CFAP92: variants seen among roughly 807,000 people sequenced by gnomAD.
CFAP92 encodes the protein uncharacterized protein CFAP92.
A neutral mutation model predicts 106.3 loss-of-function variants in CFAP92; 86 were observed. That is an observed-to-expected ratio of 0.81 (90% CI 0.68 to 0.97). The LOEUF is 0.97. Among genes scored for constraint, CFAP92 ranks in the 50% least tolerant of loss-of-function variants. CFAP92 has a pLI of 0.00. For missense variants in CFAP92, 1,204 were observed against 1,283.8 expected (o/e 0.94, Z 0.95); for synonymous variants, 477 against 506.4 (o/e 0.94, Z 0.78).
chr3:128,936,637 C>T (rs1020487548), intron 10 of CFAP92, among the ~76,000 whole-genome samples: 3 of 152,132 alleles, frequency 2.0e-5, no homozygotes, highest in Non-Finnish European at 2.9e-5. Context: ...CCACCTGCTG[C>T]GACTCCAAGA....
chr3:128,983,779 G>A (rs575450384), intron 4 of CFAP92, among the ~76,000 whole-genome samples: 1 of 152,266 alleles, frequency 6.6e-6, no homozygotes, highest in Non-Finnish European at 1.5e-5. Context: ...GCAGGGACCA[G>A]GAGGTGGGCT....
At chr3:128,942,367 G>T (rs1335993836) in intron 10 of CFAP92, among the ~76,000 whole-genome samples, 1 of 152,248 alleles carries the variant, frequency 6.6e-6, no homozygotes, top group Non-Finnish European at 1.5e-5. Flanking sequence ...CAGCCAGGCA[G>T]CTCGCCCCAG....
chr3:128,922,357 T>A (rs115214716), intron 12 of CFAP92, among the ~76,000 whole-genome samples: 56 of 150,960 alleles, frequency 3.7e-4, no homozygotes, highest in Non-Finnish European at 7.5e-4. Context: ...AAAAAAAAAA[T>A]TCAATTAGTT....
At chr3:128,968,691 CAG>C (rs1227673188) in intron 8 of CFAP92, 3 of 152,398 alleles carry the variant, frequency 2.0e-5, no homozygotes, top group Non-Finnish European at 2.9e-5. Flanking sequence ...AAGTGAGACT[CAG>C]AGAAAGTAGG....
In CFAP92 at chr3:128,945,962, G is replaced by A; in HGVS notation, c.1367C>T (p.Pro456Leu). ...PIQELERLCMPVYCKYQFHKT... is the reference protein window; with the variant it reads ...PIQELERLCMLVYCKYQFHKT... ...ATGGAACTGGTACTTGCAGTACACAGGCATGCACAGCCTCTACGAGAGAGC... is the reference window on the plus strand; with the variant it reads ...ATGGAACTGGTACTTGCAGTACACAAGCATGCACAGCCTCTACGAGAGAGC... Residue 456 changes from proline to leucine, a missense_variant, in exon 10 of 16, where the codon CCT becomes CTT. By Grantham distance (98) the Pro-to-Leu change is moderately conservative. Transcript: ENST00000645291. 1 of 1,439,812 alleles carries A rather than the reference G, an allele frequency of 6.9e-7. No individual in the cohort carries two copies. The allele number at this position is 1,439,812 out of a possible 1,614,324, so 89.2% of individuals were successfully genotyped here.
At position 128,910,073 on chromosome 3, in the gene CFAP92, A is replaced by T; in HGVS notation, c.*226T>A. ...AAGCGGGTGGCCAACATCCTCATCAACCTGTATGGCATGACGGCCGTGCTG... is the reference window on the plus strand; with the variant it reads ...AAGCGGGTGGCCAACATCCTCATCATCCTGTATGGCATGACGGCCGTGCTG... On this transcript the variant is annotated 3_prime_UTR_variant, in exon 16 of 16. Transcript: ENST00000645291. 1.2e-6 allele frequency: 2 copies of T among 1,613,922 alleles called. No homozygotes were observed. The highest frequency in any genetic ancestry group is 1.7e-6 in the Non-Finnish European group (2 of 1,179,980).
At chr3:128,961,733 A>T (rs1378809582) in intron 9 of CFAP92, among the ~76,000 whole-genome samples, 6 of 152,226 alleles carry the variant, frequency 3.9e-5, no homozygotes, top group Non-Finnish European at 8.8e-5. Flanking sequence ...TTCTCAATAT[A>T]CATTTTATTA....
rs138871762 is a variant in CFAP92, at chr3:128,910,132, C to T, written c.*167G>A. On this transcript the variant is annotated 3_prime_UTR_variant, in exon 16 of 16. Coordinates refer to ENST00000645291, the MANE Select transcript of CFAP92 (RefSeq NM_001394090.1). ...CAGCCGCTCCATCCGCATTGGGCTC[C>T]GCAACCACGACCACGAGGTGAGCCC... 68 of 1,613,938 alleles carry T rather than the reference C, an allele frequency of 4.2e-5. No individual in the cohort carries two copies. The highest frequency in any genetic ancestry group is 1.6e-4 in the Middle Eastern group (1 of 6,074).
intron 9 of CFAP92, among the ~76,000 whole-genome samples, chr3:128,963,739 T>C (rs1427664792): frequency 1.3e-5 from 2 of 150,108 alleles, no homozygotes; most frequent in African/African-American, 5.0e-5. Flanking sequence ...TACAAGCCAC[T>C]AGCCCGCCTC....
At chr3:128,982,208 G>T (rs1337848435) in intron 4 of CFAP92, among the ~76,000 whole-genome samples, 1 of 152,216 alleles carries the variant, frequency 6.6e-6, no homozygotes, top group Non-Finnish European at 1.5e-5. Flanking sequence ...CTTCATCAGT[G>T]ATCTTAGCTA....
the CFAP92 span, among the ~76,000 whole-genome samples, chr3:129,024,053 A>G: frequency 6.6e-6 from 1 of 152,164 alleles, no homozygotes; most frequent in Non-Finnish European, 1.5e-5. Context: ...CCATTCATTC[A>G]TTTGACAAAC....
intron 9 of CFAP92, among the ~76,000 whole-genome samples, chr3:128,956,215 T>A (rs28784647): frequency 0.078 from 5,083 of 65,180 alleles, 54 homozygotes; most frequent in Middle Eastern, 0.13. Context: ...AATAAAAAAA[T>A]AAAAAAAAAA....
chr3:129,017,008 T>C, the CFAP92 span, among the ~76,000 whole-genome samples: 3 of 152,238 alleles, frequency 2.0e-5, no homozygotes, highest in African/African-American at 7.2e-5. Flanking sequence ...CTGATTCATC[T>C]TCCACTCTGT....
intron 4 of CFAP92, among the ~76,000 whole-genome samples, chr3:128,978,982 G>T (rs1213095466): frequency 2.6e-5 from 4 of 152,176 alleles, no homozygotes; most frequent in Non-Finnish European, 5.9e-5. Flanking sequence ...AAGAGCTTCT[G>T]CACAGCAAAA....
intron 1 of CFAP92, chr3:129,001,919 G>C (rs934733163): frequency 1.9e-6 from 3 of 1,538,824 alleles, no homozygotes; most frequent in Non-Finnish European, 1.8e-6. Context: ...CCACGGCCGG[G>C]CAGGCAGCAG....
the CFAP92 span, among the ~76,000 whole-genome samples, chr3:129,017,428 C>T: frequency 6.6e-6 from 1 of 152,242 alleles, no homozygotes; most frequent in Admixed American, 6.5e-5. Context: ...GCGGGCGTGG[C>T]GGGCTTCTCT....
At position 128,965,560 on chromosome 3, in the gene CFAP92, T is replaced by C. The variant is rs542440553; in HGVS notation, c.1304A>G (p.Lys435Arg). The C allele has an allele frequency of 3.0e-5, 12 of 399,026 alleles. No homozygotes were observed. Among genetic ancestry groups the C allele is most frequent in the African/African-American group, 2.1e-4 (10 of 48,738 alleles). 24.7% of individuals were successfully genotyped at this position (399,026 alleles called of 1,614,324 possible). Residue 435 changes from lysine to arginine, a missense_variant, in exon 9 of 16, where the codon AAG becomes AGG. Physicochemically the swap from Lys to Arg is conservative, Grantham distance 26. Transcript: ENST00000645291. ...QDLNPLTIKI[K>R]CASCLPSQPV... ...CTGTGATGGAAGGCAGGAAGCACACTTGATCTTTATGGTCAGGGGATTTAA... is the reference window on the plus strand; with the variant it reads ...CTGTGATGGAAGGCAGGAAGCACACCTGATCTTTATGGTCAGGGGATTTAA...
intron 9 of CFAP92, among the ~76,000 whole-genome samples, chr3:128,953,281 T>C (rs1461449683): frequency 6.6e-6 from 1 of 151,614 alleles, no homozygotes; most frequent in Non-Finnish European, 1.5e-5. Flanking sequence ...TTTGGGAGGC[T>C]GAGGTGGGTA....
intron 6 of CFAP92, 70 bp downstream of exon 6, chr3:128,976,906 TACC>T (rs1369905341): frequency 8.2e-7 from 1 of 1,212,508 alleles, no homozygotes; most frequent in East Asian, 2.3e-5. Context: ...CTAAAAAACC[TACC>T]ACGACTCATA....
Sources: gnomAD v4.1 joint callset for allele counts (sites outside exome capture counted in the v4.1 genomes callset) on GRCh38, gnomAD v4.1.1 for gene constraint, MANE v1.5 for transcripts, NCBI Gene and HGNC (gene_info 2026-07-23, HGNC 2026-07-21) for gene names.